PFAS: variants seen among roughly 807,000 people sequenced by gnomAD.
PFAS encodes the protein phosphoribosylformylglycinamidine synthase, also known as FGAM synthase.
Under a neutral mutation model 140.6 loss-of-function variants are expected in PFAS, and 97 were observed. The ratio of observed to expected loss-of-function variants is 0.69; its 90% confidence interval spans 0.59 to 0.82. The LOEUF (loss-of-function observed/expected upper bound fraction) is 0.82, where lower values mean the gene tolerates loss of function less well. Among genes scored for constraint, PFAS ranks in the 40% least tolerant of loss-of-function variants. The probability of loss-of-function intolerance (pLI) is 0.00; values close to 1 mark genes in which losing one functional copy is unlikely to be tolerated. For synonymous variants in PFAS, 679 were observed against 718.8 expected (o/e 0.94, Z 0.88); for missense variants, 1,656 against 1,780.2 (o/e 0.93, Z 1.26).
rs146993013 is a variant in PFAS at position 8,266,811 on chromosome 17, C to T, written c.2880C>T (p.Asp960=). The part of the protein sequence containing the change: ...PGLVLEVQEP[D]LAQVLKRYRD... ...TCGTGCTGGAGGTGCAGGAGCCAGA[C>T]CTGGCCCAGGTGCTGAAGCGTTACC... The change falls in exon 23 of 28, where the codon GAC becomes GAT. Residue 960 remains aspartate, a synonymous_variant. Transcript: ENST00000314666. The surrounding 1 kb of genome is among the most constrained non-coding windows in gnomAD (Gnocchi z 5.0). 3.1e-6 allele frequency: 5 copies of T among 1,612,366 alleles called. No individual in the cohort carries two copies. The highest frequency in any genetic ancestry group is 1.3e-5 in the African/African-American group (1 of 74,938).
At position 8,268,521 on chromosome 17, in the gene PFAS, A is replaced by C; in HGVS notation, c.3383-12A>C. The C allele has an allele frequency of 6.2e-7, 1 of 1,604,984 alleles. No individual in the cohort carries two copies. The highest frequency in any genetic ancestry group is 8.5e-7 in the Non-Finnish European group (1 of 1,174,278). ...CTCCATGTCTCACCCTGACTTCCCT[A>C]TTCCCTGCTAGGGTGGGCAGCTGCT... On this transcript the variant is annotated splice_polypyrimidine_tract_variant and intron_variant, in intron 26 of 27. Coordinates refer to ENST00000314666, the MANE Select transcript of PFAS (RefSeq NM_012393.3).
chr17:8,265,280 A>G lies in PFAS; in HGVS notation c.2281-8A>G. 6.2e-6 allele frequency: 10 copies of G among 1,609,740 alleles called. No individual in the cohort carries two copies. Among genetic ancestry groups the G allele is most frequent in the Non-Finnish European group, 8.5e-6 (10 of 1,177,396 alleles). On this transcript the variant is annotated splice_polypyrimidine_tract_variant and splice_region_variant and intron_variant, in intron 18 of 27. Transcript: ENST00000314666. ...TCCCCTCTAATGCTGTGCCTCTGCC[A>G]CCCCCAGGATGTGAAGTGTAGCGGG... is the stretch of plus-strand genomic sequence containing the variant.
upstream of PFAS, among the ~76,000 whole-genome samples, chr17:8,248,939 AAC>A (rs890985076): frequency 2.0e-5 from 3 of 152,260 alleles, no homozygotes; most frequent in African/African-American, 4.8e-5. Context: ...CAGGAACTCA[AAC>A]ACAGCCCGCC....
Position 8,256,825 on chromosome 17 carries a change from CT to C in PFAS, c.947-9del. Reference sequence around the variant, plus strand: ...AGGCACCCAGACCTCTCCCCACTCTCTCTTTGCAGGAGTATGCCCCTTTAGT... The same window carrying C: ...AGGCACCCAGACCTCTCCCCACTCTCCTTTGCAGGAGTATGCCCCTTTAGT... On this transcript the variant is annotated splice_polypyrimidine_tract_variant and intron_variant, in intron 8 of 27. Transcript: ENST00000314666. 1 of 1,590,146 alleles carries C rather than the reference CT, an allele frequency of 6.3e-7. No homozygotes were observed. Among genetic ancestry groups the C allele is most frequent in the South Asian group, 1.2e-5 (1 of 86,424 alleles).
At chr17:8,248,045 G>A (rs768308256), upstream of PFAS, 52 of 1,604,590 alleles carry the variant, frequency 3.2e-5, no homozygotes, top group African/African-American at 4.0e-5. Context: ...ATGATGCGCC[G>A]GAGCTCCGCC....
intron 11 of PFAS, among the ~76,000 whole-genome samples, chr17:8,260,065 C>T (rs1056252698): frequency 1.3e-5 from 2 of 151,194 alleles, no homozygotes; most frequent in African/African-American, 4.9e-5. Flanking sequence ...TACGCCACTG[C>T]ACTCCAGTCT....
Position 8,266,950 on chromosome 17 carries a change from G to C in PFAS, c.2967+52G>C, listed in dbSNP as rs1280731348. 1 of 1,599,656 alleles carries C rather than the reference G, an allele frequency of 6.3e-7. No homozygotes were observed. Among genetic ancestry groups the C allele is most frequent in the Non-Finnish European group, 8.5e-7 (1 of 1,175,288 alleles). ...TGCAGTGGGCAGTCAGAGTGGGGTG[G>C]CCGCGGTCCATCCCTCTCCCACTGT... On this transcript the variant is annotated intron_variant, in intron 23 of 27. Transcript: ENST00000314666. The surrounding 1 kb of genome is among the most constrained non-coding windows in gnomAD (Gnocchi z 5.0).
chr17:8,263,070 C>A (rs373095227), intron 12 of PFAS, 39 bp from the exon 13 acceptor site: 3 of 1,612,154 alleles, frequency 1.9e-6, no homozygotes, highest in Non-Finnish European at 2.5e-6. Flanking sequence ...TAGGAGCTTC[C>A]AGTCTCGCTG....
At chr17:8,260,553 G>C (rs1989550928) in intron 11 of PFAS, among the ~76,000 whole-genome samples, 1 of 152,182 alleles carries the variant, frequency 6.6e-6, no homozygotes, top group Non-Finnish European at 1.5e-5. Context: ...GTGGACATTG[G>C]GGTTGTTTCA....
Position 8,267,202 on chromosome 17 carries a change from A to G in PFAS, c.3142A>G (p.Thr1048Ala), listed in dbSNP as rs1442111054. The G allele has an allele frequency of 6.2e-7, 1 of 1,606,122 alleles. No individual in the cohort carries two copies. The highest frequency in any genetic ancestry group is 1.7e-5 in the Admixed American group (1 of 58,658). ...RMGPSYCLPP[T>A]FPKASVPREP... ...GGGGCCCAGCTATTGCCTGCCCCCCACCTTTCCCAAAGCCTCCGTGCCCCG... is the reference window on the plus strand; with the variant it reads ...GGGGCCCAGCTATTGCCTGCCCCCCGCCTTTCCCAAAGCCTCCGTGCCCCG... The change falls in exon 24 of 28, where the codon ACC becomes GCC. Residue 1048 changes from threonine to alanine, a missense_variant. Thr to Ala is a moderately conservative substitution (Grantham distance 58). Coordinates refer to ENST00000314666, the MANE Select transcript of PFAS (RefSeq NM_012393.3). The surrounding 1 kb of genome is among the most constrained non-coding windows in gnomAD (Gnocchi z 4.9).
Position 8,263,213 on chromosome 17 carries a change from C to T in PFAS, c.1515C>T (p.Ala505=), listed in dbSNP as rs760531913. Residue 505 remains alanine, a synonymous_variant, in exon 13 of 28, where the codon GCC becomes GCT. Transcript: ENST00000314666. ...MNRVIRACVE[A]PKGNPICSLH... ...GTGTGATCAGGGCTTGTGTGGAGGCCCCCAAGGGAAACCCCATCTGCAGCC... is the reference window on the plus strand; with the variant it reads ...GTGTGATCAGGGCTTGTGTGGAGGCTCCCAAGGGAAACCCCATCTGCAGCC... 7 of 1,613,950 alleles carry T rather than the reference C, an allele frequency of 4.3e-6. No individual in the cohort carries two copies. Among genetic ancestry groups the T allele is most frequent in the Non-Finnish European group, 5.1e-6 (6 of 1,179,992 alleles).
At chr17:8,253,810 G>A (rs2151575960) in intron 1 of PFAS, 49 bp from the exon 2 acceptor site, 1 of 1,380,444 alleles carries the variant, frequency 7.2e-7, no homozygotes, top group Admixed American at 2.8e-5. Context: ...AAGTGCTGGG[G>A]TTACAGATGT....
rs1279500892 is a variant in PFAS at position 8,255,116 on chromosome 17, G to A, written c.368G>A (p.Arg123Gln). Residue 123 changes from arginine to glutamine, a missense_variant, in exon 4 of 28, where the codon CGG becomes CAG. Coordinates refer to ENST00000314666, the MANE Select transcript of PFAS (RefSeq NM_012393.3). The stretch of plus-strand genomic sequence containing the variant: ...CCTGTGGATCGTGTGGAGACCACCC[G>A]GCGCTACCGGCTCTCGGTGAGGTGA... ...LGPVDRVETT[R>Q]RYRLSFAHPP... The A allele has an allele frequency of 5.6e-6, 9 of 1,611,492 alleles. No individual in the cohort carries two copies. Among genetic ancestry groups the A allele is most frequent in the South Asian group, 2.2e-5 (2 of 91,036 alleles).
intron 15 of PFAS, 131 bp from the exon 16 acceptor site, chr17:8,264,081 A>T: frequency 6.9e-7 from 1 of 1,455,656 alleles, no homozygotes; most frequent in Non-Finnish European, 9.6e-7. Context: ...GTTGGATCCA[A>T]GGAGGGGCAG....
upstream of PFAS, among the ~76,000 whole-genome samples, chr17:8,248,518 C>T (rs1163163112): frequency 2.0e-5 from 3 of 150,234 alleles, no homozygotes; most frequent in Non-Finnish European, 4.4e-5. Flanking sequence ...GCCTCAGCCT[C>T]CCAAAGTGCT....
At chr17:8,257,722 T>G in intron 9 of PFAS, 85 bp from the exon 10 acceptor site, 3 of 1,455,038 alleles carry the variant, frequency 2.1e-6, no homozygotes, top group Non-Finnish European at 2.9e-6. Flanking sequence ...CTTGGTGGCC[T>G]TGACTCTTCC....
chr17:8,249,896 G>T (rs1225359871), intron 1 of PFAS, among the ~76,000 whole-genome samples: 1 of 151,542 alleles, frequency 6.6e-6, no homozygotes, highest in Non-Finnish European at 1.5e-5. Context: ...AACATCCCAT[G>T]CCCACGTAGA....
intron 1 of PFAS, among the ~76,000 whole-genome samples, chr17:8,251,717 G>C (rs1989160954): frequency 6.9e-6 from 1 of 145,072 alleles, no homozygotes; most frequent in Non-Finnish European, 1.5e-5. Flanking sequence ...TGTCACCCAG[G>C]CTGGAGTGCA....
At chr17:8,264,860 C>T (rs528841723) in intron 17 of PFAS, 35 bp from the exon 18 acceptor site, 129 of 1,431,118 alleles carry the variant, frequency 9.0e-5, no homozygotes, top group South Asian at 6.9e-4. Context: ...TGTCCCTGTC[C>T]CTTGCTCTCT....
Sources: gnomAD v4.1 joint callset for allele counts (sites outside exome capture counted in the v4.1 genomes callset) on GRCh38, gnomAD v4.1.1 for gene constraint, Gnocchi (gnomAD v3.1) non-coding constraint, MANE v1.5 for transcripts, NCBI Gene and HGNC (gene_info 2026-07-23, HGNC 2026-07-21) for gene names.